The following RPH3A variants were observed in gnomAD, a reference collection of about 807,000 sequenced individuals.
RPH3A encodes the protein rabphilin 3A, also known as rabphilin-3A.
A neutral mutation model predicts 102.2 loss-of-function variants in RPH3A; 48 were observed. That is an observed-to-expected ratio of 0.47 (90% CI 0.37 to 0.60). The LOEUF (loss-of-function observed/expected upper bound fraction) is 0.60, where lower values mean the gene tolerates loss of function less well. Ranked by LOEUF, RPH3A falls within the 20% of genes least tolerant of loss-of-function variation. The pLI, the probability that RPH3A is intolerant of heterozygous loss-of-function variation, is 0.00. For missense variants in RPH3A, 781 were observed against 910.1 expected, an observed-to-expected ratio of 0.86 and a Z score of 1.83; for synonymous variants, 310 against 324.3, an observed-to-expected ratio of 0.96 and a Z score of 0.47.
intron 1 of RPH3A, among the ~76,000 whole-genome samples, chr12:112,648,600 C>CAAAAAAAAAA (rs2039951130): frequency 5.6e-5 from 1 of 17,788 alleles, no homozygotes; most frequent in African/African-American, 2.8e-4. Flanking sequence ...AAAAAAAAAG[C>CAAAAAAAAAA]TAGGTGTTGT....
chr12:112,698,944 C>T (rs993177367), intron 1 of RPH3A, among the ~76,000 whole-genome samples: 7 of 137,182 alleles, frequency 5.1e-5, no homozygotes, highest in Non-Finnish European at 1.1e-4. Context: ...CCTCCTCCTT[C>T]TTCCAGGGTC....
chr12:112,697,614 C>A (rs1285832065), intron 1 of RPH3A, among the ~76,000 whole-genome samples: 1 of 152,172 alleles, frequency 6.6e-6, no homozygotes, highest in African/African-American at 2.4e-5. Flanking sequence ...GCCTGAATCC[C>A]ATCACTTTGG....
At chr12:112,855,848 G>A (rs1009480755) in intron 5 of RPH3A, among the ~76,000 whole-genome samples, 8 of 152,068 alleles carry the variant, frequency 5.3e-5, no homozygotes, top group Non-Finnish European at 1.5e-5. Flanking sequence ...GAGCGAGCAG[G>A]GATTCTGGAA....
At chr12:112,736,972 T>C (rs1354260951) in intron 1 of RPH3A, among the ~76,000 whole-genome samples, 1 of 151,974 alleles carries the variant, frequency 6.6e-6, no homozygotes, top group African/African-American at 2.4e-5. Context: ...CTGGGCAATA[T>C]AGTGAGACCG....
intron 1 of RPH3A, among the ~76,000 whole-genome samples, chr12:112,759,086 T>C (rs183441441): frequency 6.6e-6 from 1 of 152,364 alleles, no homozygotes; most frequent in Admixed American, 6.5e-5. Flanking sequence ...CCATCCTGTT[T>C]TCAATTGAAC....
At chr12:112,676,158 G>A (rs1182203092) in intron 1 of RPH3A, among the ~76,000 whole-genome samples, 1 of 152,006 alleles carries the variant, frequency 6.6e-6, no homozygotes, top group East Asian at 1.9e-4. Context: ...GCCTCCCGTT[G>A]GCAGAATGGA....
chr12:112,768,714 T>C (rs1329983285), intron 1 of RPH3A, among the ~76,000 whole-genome samples: 1 of 151,936 alleles, frequency 6.6e-6, no homozygotes, highest in Non-Finnish European at 1.5e-5. Context: ...GGAGTTGGAG[T>C]CCAGCCTGGG....
At chr12:112,688,486 A>G (rs1173736801) in intron 1 of RPH3A, among the ~76,000 whole-genome samples, 1 of 152,172 alleles carries the variant, frequency 6.6e-6, no homozygotes, top group African/African-American at 2.4e-5. Context: ...TTCAAAGAAT[A>G]TTCCATCATG....
chr12:112,878,614 A>C (rs575152141), intron 13 of RPH3A, among the ~76,000 whole-genome samples: 1 of 152,226 alleles, frequency 6.6e-6, no homozygotes, highest in Non-Finnish European at 1.5e-5. Context: ...TTGAGTGACT[A>C]TGATGGTAGC....
At chr12:112,617,534 G>C (rs2039689921) in intron 1 of RPH3A, among the ~76,000 whole-genome samples, 1 of 152,184 alleles carries the variant, frequency 6.6e-6, no homozygotes, top group Non-Finnish European at 1.5e-5. Context: ...CAATATCAGA[G>C]AGAAAAAGTG....
rs1481943495 is a variant in RPH3A, at chr12:112,898,826, C to T, written c.*2046C>T. ...GTCCTCCGGTGCATGCACAACCACC[C>T]AGCATCTTTCTTTGTGATGATGTAG... On this transcript the variant is annotated 3_prime_UTR_variant, in exon 22 of 22. Transcript: ENST00000389385. 2 of 152,298 alleles carry T rather than the reference C, an allele frequency of 1.3e-5. No individual in the cohort carries two copies. Among genetic ancestry groups the T allele is most frequent in the South Asian group, 2.1e-4 (1 of 4,834 alleles). 9.4% of individuals were successfully genotyped at this position (152,298 alleles called of 1,614,324 possible). A position where few individuals can be genotyped will look rare whatever the true frequency, so the allele number is the denominator to read the frequency against.
chr12:112,661,513 T>G (rs976151176), intron 1 of RPH3A, among the ~76,000 whole-genome samples: 5 of 152,124 alleles, frequency 3.3e-5, no homozygotes, highest in African/African-American at 1.2e-4. Context: ...GCACCTGGGA[T>G]TCTTGTTTAG....
At chr12:112,741,350 A>C (rs1365174753) in intron 1 of RPH3A, among the ~76,000 whole-genome samples, 1 of 151,968 alleles carries the variant, frequency 6.6e-6, no homozygotes, top group Non-Finnish European at 1.5e-5. Flanking sequence ...AGCTTCTCTC[A>C]TTTTGGATTG....
intron 1 of RPH3A, among the ~76,000 whole-genome samples, chr12:112,743,387 C>T (rs759706895): frequency 1.1e-4 from 16 of 152,210 alleles, no homozygotes; most frequent in Non-Finnish European, 2.1e-4. Context: ...ATCCCACCTG[C>T]AATATTTGTT....
intron 1 of RPH3A, among the ~76,000 whole-genome samples, chr12:112,776,873 CAAAAAAAAAAAAAAAAAAAAAAAAAA>C (rs548377186): frequency 4.1e-5 from 3 of 73,910 alleles, no homozygotes; most frequent in Admixed American, 3.5e-4. Flanking sequence ...GACTCCATCT[CAAAAAAAAAAAAAAAAAAAAAAAAAA>C]AAAAAAAAAA....
chr12:112,797,042 C>CA (rs1014133023), intron 2 of RPH3A, among the ~76,000 whole-genome samples: 18 of 150,360 alleles, frequency 1.2e-4, no homozygotes, highest in African/African-American at 3.9e-4. Flanking sequence ...GACTCTGTCT[C>CA]AAAAAAAAAG....
chr12:112,825,160 C>A (rs1322113101), intron 2 of RPH3A, among the ~76,000 whole-genome samples: 1 of 152,190 alleles, frequency 6.6e-6, no homozygotes, highest in Admixed American at 6.5e-5. Context: ...CATTAAAGTT[C>A]TTTTTCAGCA....
At chr12:112,641,342 G>A (rs150792825) in intron 1 of RPH3A, among the ~76,000 whole-genome samples, 67 of 152,326 alleles carry the variant, frequency 4.4e-4, no homozygotes, top group African/African-American at 1.6e-3. Context: ...CAGAGACAGT[G>A]TTAAATGTGG....
At chr12:112,795,850 G>A (rs2041217477) in intron 2 of RPH3A, among the ~76,000 whole-genome samples, 1 of 152,182 alleles carries the variant, frequency 6.6e-6, no homozygotes, top group Admixed American at 6.5e-5. Context: ...ACTGAGTCTG[G>A]CAAGGAGTAA....
Sources: gnomAD v4.1 joint callset for allele counts (sites outside exome capture counted in the v4.1 genomes callset) on GRCh38, gnomAD v4.1.1 for gene constraint, MANE v1.5 for transcripts, NCBI Gene and HGNC (gene_info 2026-07-23, HGNC 2026-07-21) for gene names.